The following GRAMD1B variants were observed in gnomAD, a reference collection of about 807,000 sequenced individuals.
The protein encoded by GRAMD1B is protein Aster-B.
GRAMD1B carries 37 observed loss-of-function variants against 99.7 expected under a neutral mutation model. That is an observed-to-expected ratio of 0.37 (90% CI 0.29 to 0.49). The LOEUF is 0.49. GRAMD1B is among the 20% of genes least tolerant of loss of function. The probability of loss-of-function intolerance (pLI) is 0.98; values close to 1 mark genes in which losing one functional copy is unlikely to be tolerated. For missense variants in GRAMD1B, 888 were observed against 1,009.2 expected, an observed-to-expected ratio of 0.88 and a Z score of 1.63; for synonymous variants, 427 against 387.6, an observed-to-expected ratio of 1.10 and a Z score of -1.19.
At chr11:123,608,504 GC>G (rs1396867147) in intron 11 of GRAMD1B, 154 bp from the exon 12 acceptor site, 34 of 1,537,202 alleles carry the variant, frequency 2.2e-5, no homozygotes, top group African/African-American at 2.7e-5. Context: ...CATAAACCAT[GC>G]CCACGAGCTC....
intron 2 of GRAMD1B, among the ~76,000 whole-genome samples, chr11:123,556,273 G>T (rs1384458589): frequency 6.6e-6 from 1 of 152,210 alleles, no homozygotes; most frequent in Non-Finnish European, 1.5e-5. Context: ...TATGTAAACT[G>T]TTTGGAGTGC....
At chr11:123,453,565 C>T (rs113208791) in intron 1 of GRAMD1B, among the ~76,000 whole-genome samples, 7,888 of 152,228 alleles carry the variant, frequency 0.052, 231 homozygotes, top group Middle Eastern at 0.071. Flanking sequence ...AATCCTCCTG[C>T]CCCAGCCTCC....
intron 1 of GRAMD1B, among the ~76,000 whole-genome samples, chr11:123,433,148 G>A (rs1324184355): frequency 6.6e-6 from 1 of 152,046 alleles, no homozygotes; most frequent in Non-Finnish European, 1.5e-5. Context: ...GAGGTGAGGC[G>A]GGAGGGTCAC....
intron 1 of GRAMD1B, among the ~76,000 whole-genome samples, chr11:123,408,411 A>G (rs1482674680): frequency 6.6e-6 from 1 of 152,236 alleles, no homozygotes; most frequent in Non-Finnish European, 1.5e-5. Flanking sequence ...CTTTGTGTAG[A>G]CACAGGATCT....
At chr11:123,577,089 TTGGACGGACGGA>T (rs1306572071) in intron 2 of GRAMD1B, among the ~76,000 whole-genome samples, 1 of 152,240 alleles carries the variant, frequency 6.6e-6, no homozygotes, top group Non-Finnish European at 1.5e-5. Context: ...CAATAACAGG[TTGGACGGACGGA>T]TGGACGGATG....
At chr11:123,511,549 G>A (rs954394529) in intron 2 of GRAMD1B, among the ~76,000 whole-genome samples, 13 of 152,158 alleles carry the variant, frequency 8.5e-5, no homozygotes, top group African/African-American at 2.9e-4. Flanking sequence ...CATCTAAGGA[G>A]GCTGAGTCTG....
intron 1 of GRAMD1B, among the ~76,000 whole-genome samples, chr11:123,396,282 C>T (rs1985916): frequency 0.039 from 5,552 of 140,908 alleles, 244 homozygotes; most frequent in African/African-American, 0.047. Flanking sequence ...TCTTCTTCTT[C>T]TTTTTTTTTT....
At chr11:123,425,664 G>A (rs903110347), upstream of GRAMD1B, among the ~76,000 whole-genome samples, 6 of 152,108 alleles carry the variant, frequency 3.9e-5, no homozygotes, top group African/African-American at 9.7e-5. Flanking sequence ...CTCTATTCTC[G>A]GAAACTGAGT....
At chr11:123,505,740 G>A (rs78070135) in intron 2 of GRAMD1B, among the ~76,000 whole-genome samples, 1,983 of 152,226 alleles carry the variant, frequency 0.013, 38 homozygotes, top group African/African-American at 0.045. Flanking sequence ...TCTAGAAGTT[G>A]ATGGTTAACA....
intron 1 of GRAMD1B, among the ~76,000 whole-genome samples, chr11:123,403,445 GATGATAATAATA>G (rs1270536501): frequency 8.1e-6 from 1 of 123,864 alleles, no homozygotes; most frequent in African/African-American, 3.7e-5. Flanking sequence ...TGATGATGAT[GATGATAATAATA>G]ATAATAATAA....
chr11:123,389,034 C>T (rs1482551144), intron 1 of GRAMD1B, among the ~76,000 whole-genome samples: 1 of 152,110 alleles, frequency 6.6e-6, no homozygotes, highest in Non-Finnish European at 1.5e-5. Flanking sequence ...CACATTACCT[C>T]TGTGATCTTC....
chr11:123,511,387 T>G lies in GRAMD1B; in HGVS notation c.452+30494T>G, dbSNP rs189551955. On this transcript the variant is annotated intron_variant, in intron 2 of 19. Transcript: ENST00000635736. ...CCGGGCACCTCCAGGGAATGGGGCCTGGGTGCTGCGCTGCTCAAACTCTGT... is the reference window on the plus strand; with the variant it reads ...CCGGGCACCTCCAGGGAATGGGGCCGGGGTGCTGCGCTGCTCAAACTCTGT... 1.8e-3 allele frequency among the ~76,000 whole-genome samples: 280 copies of G among 152,264 alleles called. 2 individuals are homozygous for G. Among genetic ancestry groups the G allele is most frequent in the African/African-American group, 6.4e-3 (264 of 41,568 alleles).
chr11:123,421,899 TA>T (rs1456762596), intron 1 of GRAMD1B, among the ~76,000 whole-genome samples: 4 of 152,260 alleles, frequency 2.6e-5, no homozygotes, highest in Non-Finnish European at 5.9e-5. Context: ...ATCTTTTCTG[TA>T]AAACAAATGA....
intron 1 of GRAMD1B, among the ~76,000 whole-genome samples, chr11:123,408,505 T>A (rs557579418): frequency 1.3e-5 from 2 of 152,376 alleles, no homozygotes; most frequent in Admixed American, 1.3e-4. Flanking sequence ...TTTTTCACAG[T>A]AACTTGGATG....
At chr11:123,366,883 A>T (rs1033350708) in intron 1 of GRAMD1B, among the ~76,000 whole-genome samples, 1 of 152,170 alleles carries the variant, frequency 6.6e-6, no homozygotes, top group African/African-American at 2.4e-5. Flanking sequence ...TTATCACTTT[A>T]TATTATTACA....
rs190904028 is a variant in GRAMD1B, at chr11:123,402,598, T to A, written c.-176+43799T>A. On this transcript the variant is annotated intron_variant, in intron 1 of 20. Transcript: ENST00000638157. ...CTGAATTTCCCAGCATCACAGTAAG[T>A]GACAGAGTGAGGATTCAAGGCCAGG... 1.0e-3 allele frequency among the ~76,000 whole-genome samples: 154 copies of A among 152,278 alleles called. 1 individual carries two copies. Among genetic ancestry groups the A allele is most frequent in the African/African-American group, 2.9e-3 (119 of 41,550 alleles).
intron 2 of GRAMD1B, among the ~76,000 whole-genome samples, 174 bp downstream of exon 2, chr11:123,481,067 T>A (rs73612071): frequency 0.015 from 2,354 of 152,150 alleles, 67 homozygotes; most frequent in African/African-American, 0.052. Flanking sequence ...TTTCACCCCA[T>A]AAAGGAGAAG....
At chr11:123,466,384 GAA>G (rs397764805) in intron 1 of GRAMD1B, among the ~76,000 whole-genome samples, 32 of 123,338 alleles carry the variant, frequency 2.6e-4, no homozygotes, top group African/African-American at 8.6e-4. Flanking sequence ...AAGAGAGAGA[GAA>G]AGAAAGAAAA....
chr11:123,436,684 G>A (rs898709387), intron 1 of GRAMD1B, among the ~76,000 whole-genome samples: 4 of 152,188 alleles, frequency 2.6e-5, no homozygotes, highest in African/African-American at 7.2e-5. Flanking sequence ...AAGGCCTGGA[G>A]TCTTGCTCTT....
Sources: allele counts gnomAD v4.1 joint callset (sites outside exome capture counted in the v4.1 genomes callset), GRCh38; gene constraint gnomAD v4.1.1; transcripts MANE v1.5; gene names NCBI Gene and HGNC (gene_info 2026-07-23, HGNC 2026-07-21).